Variants in LAPTM4A observed in about 807,000 individuals in gnomAD.
The protein encoded by LAPTM4A is lysosomal-associated transmembrane protein 4A.
In LAPTM4A, 19 loss-of-function variants were observed where a neutral mutation model predicts 29.9. The ratio of observed to expected loss-of-function variants is 0.64; its 90% CI spans 0.44 to 0.93. The LOEUF (loss-of-function observed/expected upper bound fraction) is 0.93, where lower values mean the gene tolerates loss of function less well. Ranked by LOEUF, LAPTM4A falls within the 40% of genes least tolerant of loss-of-function variation. LAPTM4A has a pLI of 0.00. For missense variants in LAPTM4A, 293 were observed against 288.5 expected, an observed-to-expected ratio of 1.02 and a Z score of -0.11; for synonymous variants, 105 against 102.1, an observed-to-expected ratio of 1.03 and a Z score of -0.17.
At chr2:20,034,205 T>A (rs1441213656) in intron 6 of LAPTM4A, 112 bp downstream of exon 6, 1 of 780,548 alleles carries the variant, frequency 1.3e-6, no homozygotes, top group Non-Finnish European at 2.3e-6. Context: ...TACCCAGGGT[T>A]CATGCCCAAA....
intron 5 of LAPTM4A, among the ~76,000 whole-genome samples, chr2:20,034,748 T>C (rs1313475185): frequency 1.3e-5 from 2 of 152,234 alleles, no homozygotes; most frequent in Non-Finnish European, 2.9e-5. Context: ...ACATAAAAAG[T>C]AGGTCCTTTC....
Position 20,040,875 on chromosome 2 carries a change from T to C in LAPTM4A, c.232+16A>G. 1.2e-6 allele frequency: 2 copies of C among 1,610,518 alleles called. No individual in the cohort carries two copies. Among genetic ancestry groups the C allele is most frequent in the Non-Finnish European group, 8.5e-7 (1 of 1,177,848 alleles). On this transcript the variant is annotated intron_variant, in intron 2 of 6. Transcript: ENST00000175091. The stretch of plus-strand genomic sequence containing the variant: ...TTAGCAGGGGAGATTTTTTTGTTTT[T>C]CTATTAAACACATACCAGCCATTCT...
chr2:20,036,434 C>T (rs1283764986), intron 4 of LAPTM4A, among the ~76,000 whole-genome samples: 3 of 152,192 alleles, frequency 2.0e-5, no homozygotes, highest in Non-Finnish European at 4.4e-5. Context: ...CAGTAACCTA[C>T]AATGGTGTAT....
At chr2:20,049,287 A>C (rs1382511256) in intron 1 of LAPTM4A, among the ~76,000 whole-genome samples, 1 of 152,218 alleles carries the variant, frequency 6.6e-6, no homozygotes, top group Non-Finnish European at 1.5e-5. Flanking sequence ...TAAATCTCTT[A>C]ATCAATTTAA....
Position 20,033,049 on chromosome 2 carries a change from G to A in LAPTM4A, c.*156C>T. 1.6e-6 allele frequency: 1 copy of A among 639,794 alleles called. No homozygotes were observed. Among genetic ancestry groups the A allele is most frequent in the Non-Finnish European group, 2.8e-6 (1 of 357,760 alleles). The allele number at this position is 639,794 out of a possible 1,614,324, so 39.6% of individuals were successfully genotyped here. A position where few individuals can be genotyped will look rare whatever the true frequency, so the allele number is the denominator to read the frequency against. ...CAAAAAAACAAAAAGACGTTTAACAGATGTCAAAAAGCTCCTTAGTGTTTG... is the reference window on the plus strand; with the variant it reads ...CAAAAAAACAAAAAGACGTTTAACAAATGTCAAAAAGCTCCTTAGTGTTTG... On this transcript the variant is annotated 3_prime_UTR_variant, in exon 7 of 7. Coordinates refer to ENST00000175091, the MANE Select transcript of LAPTM4A (RefSeq NM_014713.5).
chr2:20,049,900 T>A (rs1166875658), intron 1 of LAPTM4A, among the ~76,000 whole-genome samples: 1 of 152,044 alleles, frequency 6.6e-6, no homozygotes, highest in Non-Finnish European at 1.5e-5. Flanking sequence ...AAGACAGAGC[T>A]AAGGACAAAC....
chr2:20,051,537 C>T lies in LAPTM4A; in HGVS notation c.-17G>A. The T allele has an allele frequency of 6.6e-7, 1 of 1,517,672 alleles. No individual in the cohort carries two copies. Among genetic ancestry groups the T allele is most frequent in the Non-Finnish European group, 9.0e-7 (1 of 1,109,242 alleles). The allele number at this position is 1,517,672 out of a possible 1,614,324, so 94.0% of individuals were successfully genotyped here. ...GGACACCATCGTAACAGGCGGGCCT[C>T]CTTCTTGGCCGGGCCCCTGACAAAC... On this transcript the variant is annotated 5_prime_UTR_variant, in exon 1 of 7. Transcript: ENST00000175091.
At chr2:20,046,794 T>C (rs1558387063) in intron 1 of LAPTM4A, among the ~76,000 whole-genome samples, 2 of 145,276 alleles carry the variant, frequency 1.4e-5, no homozygotes, top group African/African-American at 5.0e-5. Context: ...ATATATAATA[T>C]AATATATATT....
At chr2:20,042,063 ATAATGGGAT>A (rs1391175066) in intron 1 of LAPTM4A, among the ~76,000 whole-genome samples, 4 of 152,250 alleles carry the variant, frequency 2.6e-5, no homozygotes, top group Non-Finnish European at 5.9e-5. Context: ...TGGTCAGAAC[ATAATGGGAT>A]CTCAGTTCTC....
At chr2:20,044,269 C>T (rs750002176) in intron 1 of LAPTM4A, among the ~76,000 whole-genome samples, 3 of 152,094 alleles carry the variant, frequency 2.0e-5, no homozygotes, top group Non-Finnish European at 4.4e-5. Context: ...TCTACTAAAA[C>T]GTTATATGTT....
intron 1 of LAPTM4A, among the ~76,000 whole-genome samples, chr2:20,050,481 T>C (rs1674029253): frequency 1.3e-5 from 2 of 152,188 alleles, no homozygotes; most frequent in South Asian, 4.1e-4. Context: ...ATGTAGGAAG[T>C]TTGTCACGGC....
chr2:20,041,114 G>C (rs1673788063), intron 1 of LAPTM4A, 103 bp from the exon 2 acceptor site: 1 of 1,119,618 alleles, frequency 8.9e-7, no homozygotes. Flanking sequence ...CTTACTTGAA[G>C]TAACAAAGAT....
chr2:20,035,250 A>C, intron 4 of LAPTM4A, 188 bp from the exon 5 acceptor site: 1 of 562,698 alleles, frequency 1.8e-6, no homozygotes. Context: ...CATGCTAACA[A>C]TCACTTAGAG....
At chr2:20,042,951 A>G (rs1164490974) in intron 1 of LAPTM4A, among the ~76,000 whole-genome samples, 1 of 152,136 alleles carries the variant, frequency 6.6e-6, no homozygotes, top group Non-Finnish European at 1.5e-5. Flanking sequence ...TAATTTATTT[A>G]GTTTTTGAGA....
chr2:20,040,848 A>C, intron 2 of LAPTM4A, 43 bp downstream of exon 2: 1 of 1,584,026 alleles, frequency 6.3e-7, no homozygotes, highest in South Asian at 1.1e-5. Flanking sequence ...TGTATATAAA[A>C]ATTAGCAGGG....
intron 6 of LAPTM4A, 114 bp from the exon 7 acceptor site, chr2:20,033,393 G>T (rs1673614813): frequency 5.1e-6 from 4 of 785,462 alleles, no homozygotes; most frequent in Non-Finnish European, 8.7e-6. Flanking sequence ...CCATAAAGAA[G>T]AGCTGAAGAA....
intron 1 of LAPTM4A, among the ~76,000 whole-genome samples, chr2:20,045,627 T>C (rs1673901662): frequency 6.6e-6 from 1 of 152,250 alleles, no homozygotes; most frequent in African/African-American, 2.4e-5. Flanking sequence ...TGCATTGTTT[T>C]TGAAAGCTTC....
At position 20,037,614 on chromosome 2, in the gene LAPTM4A, T is replaced by A. The variant is rs1284908927; in HGVS notation, c.233A>T (p.Asp78Val). ...GNYYSSERMADNACVLFAVSV... is the reference protein window; with the variant it reads ...GNYYSSERMAVNACVLFAVSV... ...GACGGCAAAAAGAACACAGGCATTA[T>A]CTAAGAAAACAAAAACAAAAATCTA... Residue 78 changes from aspartate to valine, a missense_variant and splice_region_variant, in exon 3 of 7, where the codon GAT becomes GTT. Asp to Val is a radical substitution (Grantham distance 152, BLOSUM62 -3). Transcript: ENST00000175091. The A allele has an allele frequency of 6.3e-7, 1 of 1,593,626 alleles. No homozygotes were observed. Among genetic ancestry groups the A allele is most frequent in the Non-Finnish European group, 8.5e-7 (1 of 1,171,094 alleles).
intron 5 of LAPTM4A, 86 bp from the exon 6 acceptor site, chr2:20,034,501 C>T: frequency 1.1e-6 from 1 of 897,390 alleles, no homozygotes; most frequent in Non-Finnish European, 1.9e-6. Flanking sequence ...AATGCTTTCC[C>T]CACACATCCT....
Sources: gnomAD v4.1 joint callset for allele counts (sites outside exome capture counted in the v4.1 genomes callset) on GRCh38, gnomAD v4.1.1 for gene constraint, MANE v1.5 for transcripts, NCBI Gene and HGNC (gene_info 2026-07-23, HGNC 2026-07-21) for gene names.